The following SGCG variants were observed in gnomAD, a reference collection of about 807,000 sequenced individuals.
SGCG encodes gamma-sarcoglycan.
SGCG carries 26 observed loss-of-function variants against 29.3 expected under a neutral mutation model. The ratio of observed to expected loss-of-function variants is 0.89; its 90% CI spans 0.65 to 1.23. The LOEUF (loss-of-function observed/expected upper bound fraction) is 1.23, where lower values mean the gene tolerates loss of function less well. Ranked by LOEUF, SGCG falls within the 50% of genes most tolerant of loss-of-function variation. SGCG has a pLI of 0.00. For synonymous variants in SGCG, 145 were observed against 129.7 expected, an observed-to-expected ratio of 1.12 and a Z score of -0.80; for missense variants, 353 against 356.0, an observed-to-expected ratio of 0.99 and a Z score of 0.07.
At chr13:23,250,879 G>C (rs540917585) in intron 4 of SGCG, among the ~76,000 whole-genome samples, 162 bp downstream of exon 4, 1 of 152,332 alleles carries the variant, frequency 6.6e-6, no homozygotes, top group South Asian at 2.1e-4. Context: ...ACCACAGAGT[G>C]GGGTGGGGGG....
chr13:23,208,508 T>C (rs1430375148), intron 2 of SGCG, among the ~76,000 whole-genome samples: 1 of 152,094 alleles, frequency 6.6e-6, no homozygotes, highest in Non-Finnish European at 1.5e-5. Flanking sequence ...GAGCAAAATG[T>C]TGACCAAGAG....
At chr13:23,301,389 T>G (rs1882152729) in intron 6 of SGCG, among the ~76,000 whole-genome samples, 1 of 152,102 alleles carries the variant, frequency 6.6e-6, no homozygotes, top group African/African-American at 2.4e-5. Flanking sequence ...ATAAAATCAC[T>G]GGCCCCCAGA....
At chr13:23,203,206 A>G (rs1387646024) in intron 1 of SGCG, among the ~76,000 whole-genome samples, 1 of 152,036 alleles carries the variant, frequency 6.6e-6, no homozygotes, top group Non-Finnish European at 1.5e-5. Flanking sequence ...TGATCCGCCC[A>G]CCTCAGCCTC....
chr13:23,313,984 C>T (rs1333895643), intron 6 of SGCG, among the ~76,000 whole-genome samples: 1 of 152,100 alleles, frequency 6.6e-6, no homozygotes, highest in East Asian at 1.9e-4. Flanking sequence ...GCTTCCTGCC[C>T]TTGAACATCA....
At chr13:23,249,235 A>G (rs1879864070) in intron 3 of SGCG, among the ~76,000 whole-genome samples, 1 of 152,178 alleles carries the variant, frequency 6.6e-6, no homozygotes, top group Non-Finnish European at 1.5e-5. Flanking sequence ...TGGAGACATC[A>G]GAGTTGTGAA....
chr13:23,161,153 G>A, the SGCG span, among the ~76,000 whole-genome samples: 4 of 152,082 alleles, frequency 2.6e-5, no homozygotes, highest in Non-Finnish European at 4.4e-5. Flanking sequence ...CGCAGCAGCG[G>A]GGCTCTGTCG....
At chr13:23,296,545 C>T (rs1488982820) in intron 6 of SGCG, among the ~76,000 whole-genome samples, 2 of 152,124 alleles carry the variant, frequency 1.3e-5, no homozygotes, top group South Asian at 2.1e-4. Context: ...CTTTTTATCT[C>T]GCAAAACTGA....
chr13:23,218,359 C>T (rs1878511774), intron 2 of SGCG, among the ~76,000 whole-genome samples: 1 of 152,050 alleles, frequency 6.6e-6, no homozygotes, highest in Non-Finnish European at 1.5e-5. Flanking sequence ...GGCATATAAA[C>T]ACCAAATATA....
chr13:23,244,974 C>T (rs968281504), intron 3 of SGCG: 9 of 152,172 alleles, frequency 5.9e-5, no homozygotes, highest in African/African-American at 1.9e-4. Flanking sequence ...AGCTCAGTAA[C>T]GTGGTTTGGA....
chr13:23,318,948 TCTTC>T (rs1311880538), intron 6 of SGCG, among the ~76,000 whole-genome samples: 2 of 152,198 alleles, frequency 1.3e-5, no homozygotes, highest in Non-Finnish European at 1.5e-5. Context: ...GCTTCTGTGT[TCTTC>T]CTTCCTTCCA....
intron 4 of SGCG, among the ~76,000 whole-genome samples, chr13:23,261,024 T>C (rs1008589569): frequency 1.2e-4 from 18 of 152,138 alleles, no homozygotes. Context: ...TTGGGATTGC[T>C]CTTCTCAAGG....
intron 6 of SGCG, among the ~76,000 whole-genome samples, chr13:23,310,288 C>G (rs373166689): frequency 6.5e-4 from 99 of 151,808 alleles, no homozygotes; most frequent in East Asian, 5.6e-3. Context: ...GGGTTTCACC[C>G]TATTAGCCAG....
the SGCG span, among the ~76,000 whole-genome samples, chr13:23,164,587 C>G: frequency 2.6e-5 from 4 of 152,192 alleles, no homozygotes. Flanking sequence ...GCACCAGCAT[C>G]TGCTTCTCGT....
intron 6 of SGCG, among the ~76,000 whole-genome samples, chr13:23,296,514 C>T (rs1881915165): frequency 6.6e-6 from 1 of 152,088 alleles, no homozygotes; most frequent in Non-Finnish European, 1.5e-5. Flanking sequence ...GTGGTCATTA[C>T]CACCATCCAT....
upstream of SGCG, among the ~76,000 whole-genome samples, chr13:23,177,036 C>G (rs571722689): frequency 6.6e-6 from 1 of 152,116 alleles, no homozygotes; most frequent in South Asian, 2.1e-4. Context: ...TAATACTGTT[C>G]GGCCTTTTAA....
At chr13:23,217,654 A>G (rs893806292) in intron 2 of SGCG, 3 of 151,710 alleles carry the variant, frequency 2.0e-5, no homozygotes, top group Non-Finnish European at 4.4e-5. Flanking sequence ...CAAGACATGA[A>G]AGTAGGCTTG....
chr13:23,316,218 T>C (rs764618684), intron 6 of SGCG, among the ~76,000 whole-genome samples: 4 of 152,198 alleles, frequency 2.6e-5, no homozygotes, highest in Non-Finnish European at 5.9e-5. Flanking sequence ...ACCTCTTCCA[T>C]CATGGGAAGG....
At chr13:23,296,314 T>A (rs1881906623) in intron 6 of SGCG, among the ~76,000 whole-genome samples, 2 of 152,250 alleles carry the variant, frequency 1.3e-5, no homozygotes, top group African/African-American at 4.8e-5. Flanking sequence ...TTAAAAGATA[T>A]ATGCACTATT....
intron 4 of SGCG, among the ~76,000 whole-genome samples, chr13:23,277,176 TC>T (rs1881110889): frequency 6.6e-6 from 1 of 152,212 alleles, no homozygotes; most frequent in African/African-American, 2.4e-5. Flanking sequence ...TAATAAGGCC[TC>T]CTAGAATTGT....
Sources: gnomAD v4.1 joint callset for allele counts (sites outside exome capture counted in the v4.1 genomes callset) on GRCh38, gnomAD v4.1.1 for gene constraint, MANE v1.5 for transcripts, NCBI Gene and HGNC (gene_info 2026-07-23, HGNC 2026-07-21) for gene names.